The following PLXDC2 variants were observed in gnomAD, a reference collection of about 807,000 sequenced individuals.
PLXDC2 encodes plexin domain-containing protein 2.
PLXDC2 carries 40 observed loss-of-function variants against 68.9 expected under a neutral mutation model. That is an observed-to-expected ratio of 0.58 (90% CI 0.45 to 0.76). The LOEUF (loss-of-function observed/expected upper bound fraction) is 0.76, where lower values mean the gene tolerates loss of function less well. PLXDC2 is among the 30% of genes least tolerant of loss of function. PLXDC2 has a pLI of 0.00. For synonymous variants in PLXDC2, 243 were observed against 234.2 expected, an observed-to-expected ratio of 1.04 and a Z score of -0.34; for missense variants, 644 against 661.9, an observed-to-expected ratio of 0.97 and a Z score of 0.30.
At position 19,895,439 on chromosome 10, in the gene PLXDC2, G is replaced by A. The variant is rs534790878; in HGVS notation, c.112+78248G>A. On this transcript the variant is annotated intron_variant, in intron 1 of 13. Coordinates refer to ENST00000377252, the MANE Select transcript of PLXDC2 (RefSeq NM_032812.9). ...TATATTTTTTTAAAGCCAAGCAATG[G>A]ATGGATTTAATTTAAATATATTTTA... Among the ~76,000 whole-genome samples the A allele has an allele frequency of 2.0e-5, 3 of 152,166 alleles. No homozygotes were observed. In the East Asian group the frequency reaches 5.8e-4, roughly 29 times the overall value.
intron 1 of PLXDC2, among the ~76,000 whole-genome samples, chr10:19,833,833 C>T (rs747541379): frequency 6.6e-6 from 1 of 152,034 alleles, no homozygotes; most frequent in Non-Finnish European, 1.5e-5. Flanking sequence ...GAAAAAGACA[C>T]CTGTTCTAAG....
chr10:19,905,102 C>G (rs1352028460), intron 1 of PLXDC2, among the ~76,000 whole-genome samples: 4 of 152,140 alleles, frequency 2.6e-5, no homozygotes, highest in Non-Finnish European at 5.9e-5. Context: ...TAGGTAACAC[C>G]CTAAATCTTA....
chr10:19,915,032 C>A (rs528683869), intron 1 of PLXDC2, among the ~76,000 whole-genome samples: 1 of 152,258 alleles, frequency 6.6e-6, no homozygotes, highest in East Asian at 1.9e-4. Context: ...TTCTCATAGA[C>A]ACTGTATTGA....
chr10:20,151,987 T>G (rs1483332874), intron 6 of PLXDC2, among the ~76,000 whole-genome samples: 1 of 152,090 alleles, frequency 6.6e-6, no homozygotes, highest in Non-Finnish European at 1.5e-5. Flanking sequence ...ACCATTAAAT[T>G]TTACATTAAA....
At chr10:19,880,310 C>A (rs934492322) in intron 1 of PLXDC2, among the ~76,000 whole-genome samples, 5 of 152,206 alleles carry the variant, frequency 3.3e-5, no homozygotes, top group African/African-American at 9.6e-5. Flanking sequence ...CCCAGGGGAT[C>A]CCTGAAAGCT....
intron 5 of PLXDC2, among the ~76,000 whole-genome samples, chr10:20,145,843 G>A (rs1324525294): frequency 1.3e-5 from 2 of 152,052 alleles, no homozygotes. Flanking sequence ...GTGAGCCACC[G>A]CACCTGGTCA....
At chr10:19,829,460 T>C (rs1836643384) in intron 1 of PLXDC2, among the ~76,000 whole-genome samples, 1 of 152,168 alleles carries the variant, frequency 6.6e-6, no homozygotes, top group Non-Finnish European at 1.5e-5. Context: ...GAGCAAAATT[T>C]CTAAGTTACA....
At chr10:19,994,185 G>A (rs555041416) in intron 1 of PLXDC2, among the ~76,000 whole-genome samples, 324 of 148,778 alleles carry the variant, frequency 2.2e-3, no homozygotes, top group Non-Finnish European at 3.7e-3. Flanking sequence ...CAACTGTCCA[G>A]TGAGCTATTT....
At chr10:19,958,528 A>C (rs1834106551) in intron 1 of PLXDC2, among the ~76,000 whole-genome samples, 1 of 152,150 alleles carries the variant, frequency 6.6e-6, no homozygotes, top group Non-Finnish European at 1.5e-5. Flanking sequence ...TGATAAAGCC[A>C]AGTATCTCTG....
intron 1 of PLXDC2, among the ~76,000 whole-genome samples, chr10:19,851,031 A>C (rs1837107051): frequency 6.6e-6 from 1 of 152,196 alleles, no homozygotes; most frequent in South Asian, 2.1e-4. Context: ...AGTGTTCAAA[A>C]TAAAGGATTT....
At chr10:19,896,304 C>T (rs1455695840) in intron 1 of PLXDC2, among the ~76,000 whole-genome samples, 6 of 152,180 alleles carry the variant, frequency 3.9e-5, no homozygotes, top group African/African-American at 1.4e-4. Context: ...CTCAGTCTGG[C>T]ACCAGAGAGA....
intron 4 of PLXDC2, among the ~76,000 whole-genome samples, chr10:20,077,454 A>G (rs754162099): frequency 1.3e-5 from 2 of 152,186 alleles, no homozygotes; most frequent in Non-Finnish European, 2.9e-5. Flanking sequence ...ATAAAAAAGT[A>G]ATAGATCTAA....
At chr10:19,907,432 C>T (rs1833184476) in intron 1 of PLXDC2, among the ~76,000 whole-genome samples, 1 of 152,162 alleles carries the variant, frequency 6.6e-6, no homozygotes, top group South Asian at 2.1e-4. Context: ...AGCACAGGAA[C>T]ACAGCGAAGG....
At chr10:20,015,585 C>T (rs1835196389) in intron 2 of PLXDC2, among the ~76,000 whole-genome samples, 1 of 152,062 alleles carries the variant, frequency 6.6e-6, no homozygotes, top group South Asian at 2.1e-4. Flanking sequence ...CTGGCCAAGA[C>T]TCCATTTGCT....
intron 1 of PLXDC2, among the ~76,000 whole-genome samples, chr10:19,895,032 G>A (rs575138192): frequency 6.6e-6 from 1 of 152,282 alleles, no homozygotes; most frequent in East Asian, 1.9e-4. Flanking sequence ...CAACCCAAAT[G>A]CCCATCAATG....
intron 2 of PLXDC2, among the ~76,000 whole-genome samples, chr10:20,045,007 G>A (rs528490541): frequency 2.0e-5 from 3 of 152,260 alleles, no homozygotes; most frequent in African/African-American, 7.2e-5. Context: ...GAAACAGAGG[G>A]AGGGCTGGAA....
chr10:20,269,858 A>G (rs1456200179), intron 13 of PLXDC2, among the ~76,000 whole-genome samples: 1 of 152,040 alleles, frequency 6.6e-6, no homozygotes, highest in African/African-American at 2.4e-5. Flanking sequence ...TTTCTATTAA[A>G]AATACAATAA....
chr10:20,202,200 AG>A (rs1242070800), intron 9 of PLXDC2, among the ~76,000 whole-genome samples: 1 of 152,196 alleles, frequency 6.6e-6, no homozygotes, highest in African/African-American at 2.4e-5. Flanking sequence ...CAAGAAAAAA[AG>A]GAATCATTGC....
intron 3 of PLXDC2, among the ~76,000 whole-genome samples, chr10:20,061,634 T>C (rs977754476): frequency 6.6e-6 from 1 of 152,218 alleles, no homozygotes; most frequent in South Asian, 2.1e-4. Context: ...TGCTTCTCAT[T>C]ACACTTCTAC....
Sources: gnomAD v4.1 joint callset for allele counts (sites outside exome capture counted in the v4.1 genomes callset) on GRCh38, gnomAD v4.1.1 for gene constraint, MANE v1.5 for transcripts, NCBI Gene and HGNC (gene_info 2026-07-23, HGNC 2026-07-21) for gene names.